Variants in PALM2AKAP2 observed in about 807,000 individuals in gnomAD.
PALM2AKAP2 encodes PALM2 and AKAP2 fusion.
In PALM2AKAP2, 37 loss-of-function variants were observed where a neutral mutation model predicts 71.5. The observed-to-expected ratio is 0.52, with a 90% CI of 0.40 to 0.68. The LOEUF is 0.68. Among genes scored for constraint, PALM2AKAP2 ranks in the 30% least tolerant of loss-of-function variants. PALM2AKAP2 has a pLI of 0.00. For missense variants in PALM2AKAP2, 1,224 were observed against 1,191.8 expected (o/e 1.03, Z -0.40); for synonymous variants, 468 against 478.8 (o/e 0.98, Z 0.29).
chr9:110,158,509 T>C (rs1169172835), intron 3 of PALM2AKAP2, among the ~76,000 whole-genome samples: 1 of 152,214 alleles, frequency 6.6e-6, no homozygotes, highest in Non-Finnish European at 1.5e-5. Context: ...CTCACTCATT[T>C]CGTAAAGGCA....
exon 2 of PALM2AKAP2, chr9:110,136,813 G>A: frequency 6.2e-7 from 1 of 1,614,210 alleles, no homozygotes; most frequent in Non-Finnish European, 8.5e-7. Flanking sequence ...AGCCCTCCAA[G>A]CTCTTTGAGG....
At chr9:109,770,907 C>A (rs1288027367) in intron 1 of PALM2AKAP2, among the ~76,000 whole-genome samples, 1 of 152,218 alleles carries the variant, frequency 6.6e-6, no homozygotes, top group Non-Finnish European at 1.5e-5. Flanking sequence ...TCACAATAAT[C>A]TTATGAAATG....
At chr9:110,006,358 C>CTTTCTTTCTTTCTT (rs1554736943) in intron 6 of PALM2AKAP2, among the ~76,000 whole-genome samples, 56 of 126,866 alleles carry the variant, frequency 4.4e-4, no homozygotes, top group African/African-American at 1.7e-3. Context: ...TTCTTTCTTT[C>CTTTCTTTCTTTCTT]TTTCTTTCTT....
At chr9:109,798,780 A>T (rs1202484294) in intron 1 of PALM2AKAP2, among the ~76,000 whole-genome samples, 1 of 152,174 alleles carries the variant, frequency 6.6e-6, no homozygotes, top group Non-Finnish European at 1.5e-5. Flanking sequence ...CTCTCCTTCT[A>T]TCAATTTGTT....
intron 1 of PALM2AKAP2, among the ~76,000 whole-genome samples, chr9:109,817,266 T>C (rs1269248930): frequency 1.3e-5 from 2 of 152,208 alleles, no homozygotes; most frequent in Non-Finnish European, 2.9e-5. Flanking sequence ...TTTGGTCTGA[T>C]CAGAGGCCAA....
intron 1 of PALM2AKAP2, among the ~76,000 whole-genome samples, chr9:109,697,353 C>T (rs1004658979): frequency 6.6e-6 from 1 of 152,138 alleles, no homozygotes; most frequent in Non-Finnish European, 1.5e-5. Flanking sequence ...TAGAATATCT[C>T]TGCATAACAG....
At chr9:110,157,295 G>A (rs1218762178) in intron 3 of PALM2AKAP2, among the ~76,000 whole-genome samples, 7 of 152,208 alleles carry the variant, frequency 4.6e-5, no homozygotes, top group Non-Finnish European at 1.0e-4. Flanking sequence ...GTCACAGATA[G>A]CTTGGGTTGG....
intron 2 of PALM2AKAP2, among the ~76,000 whole-genome samples, chr9:110,146,432 A>G (rs1247546207): frequency 6.6e-6 from 1 of 152,096 alleles, no homozygotes; most frequent in Non-Finnish European, 1.5e-5. Flanking sequence ...TGATGTCCTC[A>G]TTGCCTACTT....
chr9:110,014,467 G>T (rs956278346), intron 6 of PALM2AKAP2, among the ~76,000 whole-genome samples: 1 of 151,630 alleles, frequency 6.6e-6, no homozygotes, highest in African/African-American at 2.4e-5. Flanking sequence ...ATAAACCTAC[G>T]GTTTTTAAAA....
chr9:109,716,088 T>C (rs1828315590), intron 1 of PALM2AKAP2, among the ~76,000 whole-genome samples: 1 of 152,210 alleles, frequency 6.6e-6, no homozygotes, highest in African/African-American at 2.4e-5. Flanking sequence ...AGATTTTAAA[T>C]GAGCCAAAAC....
At chr9:109,773,764 C>G (rs115380757) in intron 1 of PALM2AKAP2, among the ~76,000 whole-genome samples, 1 of 134,696 alleles carries the variant, frequency 7.4e-6, no homozygotes, top group Non-Finnish European at 1.6e-5. Flanking sequence ...GTTCATTCCA[C>G]TCTACCATGA....
intron 1 of PALM2AKAP2, among the ~76,000 whole-genome samples, chr9:109,767,309 G>A (rs553803194): frequency 2.0e-5 from 3 of 152,158 alleles, no homozygotes; most frequent in Non-Finnish European, 2.9e-5. Flanking sequence ...CATCAGGGCC[G>A]CCCCACCGGC....
chr9:109,715,642 A>T (rs972093251), intron 1 of PALM2AKAP2, among the ~76,000 whole-genome samples: 6 of 152,172 alleles, frequency 3.9e-5, no homozygotes, highest in African/African-American at 1.4e-4. Context: ...TCCTCTGCCC[A>T]TGCCCATCAT....
In PALM2AKAP2 at chr9:109,844,222, A is replaced by G. The variant is rs1421734490; in HGVS notation, c.46-23269A>G. Among the ~76,000 whole-genome samples, 5 of 152,188 alleles carry G rather than the reference A, an allele frequency of 3.3e-5. No homozygotes were observed. The East Asian group carries it at 9.6e-4, about 29-fold the overall frequency. The stretch of plus-strand genomic sequence containing the variant: ...CTGCCACTGGCACCACTTTACAGAT[A>G]AGCGAATGGAGACTTAGAAAGGTTA... On this transcript the variant is annotated intron_variant, in intron 1 of 9. Transcript: ENST00000302798.
At chr9:109,913,695 C>G (rs1193806074) in intron 3 of PALM2AKAP2, among the ~76,000 whole-genome samples, 1 of 151,844 alleles carries the variant, frequency 6.6e-6, no homozygotes, top group African/African-American at 2.4e-5. Flanking sequence ...AATTAGGATT[C>G]CATGTGGATG....
At chr9:109,780,227 G>A, upstream of PALM2AKAP2, 2 of 1,040,722 alleles carry the variant, frequency 1.9e-6, no homozygotes, top group Non-Finnish European at 2.3e-6. Context: ...CGCGGCCGGC[G>A]GCGGCGGCGA....
Position 110,058,794 on chromosome 9 carries a change from C to G in PALM2AKAP2, c.156+9939C>G, listed in dbSNP as rs71495117. 7.8e-3 allele frequency among the ~76,000 whole-genome samples: 1,184 copies of G among 152,076 alleles called. 9 individuals carry two copies. The highest frequency in any genetic ancestry group is 0.011 in the Admixed American group (172 of 15,262). On this transcript the variant is annotated intron_variant, in intron 1 of 3. Transcript: ENST00000374525. ...TGTCCTCCCTCCCCTGTCTCTCTCC[C>G]TTTTTTTCTTCTCTTTCTTCCTTTT...
intron 3 of PALM2AKAP2, among the ~76,000 whole-genome samples, chr9:109,908,390 T>G (rs976454235): frequency 3.9e-5 from 6 of 152,208 alleles, no homozygotes; most frequent in African/African-American, 1.4e-4. Flanking sequence ...CAGTTAATAT[T>G]CTAGGCTCTA....
intron 1 of PALM2AKAP2, among the ~76,000 whole-genome samples, chr9:109,811,694 A>G (rs568813672): frequency 2.0e-5 from 3 of 152,148 alleles, no homozygotes; most frequent in South Asian, 4.1e-4. Context: ...GCCTCAGCCA[A>G]CTAAGTAGCT....
Sources: gnomAD v4.1 joint callset for allele counts (sites outside exome capture counted in the v4.1 genomes callset) on GRCh38, gnomAD v4.1.1 for gene constraint, MANE v1.5 for transcripts, NCBI Gene and HGNC (gene_info 2026-07-23, HGNC 2026-07-21) for gene names.